The following CCDC33 variants were observed in gnomAD, a reference collection of about 807,000 sequenced individuals.
CCDC33 encodes coiled-coil domain-containing protein 33.
Under a neutral mutation model 91.9 loss-of-function variants are expected in CCDC33, and 94 were observed. The observed-to-expected ratio is 1.02, with a 90% confidence interval of 0.87 to 1.21. CCDC33 has a LOEUF of 1.21. Ranked by LOEUF, CCDC33 falls within the 50% of genes most tolerant of loss-of-function variation. The pLI is 0.00. For missense variants in CCDC33, 940 were observed against 935.5 expected (o/e 1.00, Z -0.06); for synonymous variants, 396 against 374.5 (o/e 1.06, Z -0.66).
chr15:74,308,358 G>GACACACACACACACACAC (rs3057604), intron 11 of CCDC33, among the ~76,000 whole-genome samples: 1 of 146,012 alleles, frequency 6.8e-6, no homozygotes, highest in African/African-American at 2.6e-5. Context: ...CAGACAGACA[G>GACACACACACACACACAC]ACACACACAC....
At chr15:74,275,975 T>A (rs1158844384) in intron 7 of CCDC33, among the ~76,000 whole-genome samples, 1 of 152,170 alleles carries the variant, frequency 6.6e-6, no homozygotes, top group Admixed American at 6.5e-5. Flanking sequence ...AGCAGCACCC[T>A]CTCTTCTTGT....
At chr15:74,268,479 T>TGG in intron 5 of CCDC33, 21 bp downstream of exon 5, 2 of 1,131,698 alleles carry the variant, frequency 1.8e-6, no homozygotes, top group Admixed American at 2.4e-5. Flanking sequence ...TGGGGCCCTC[T>TGG]GGGGTGGTGG....
At chr15:74,241,966 T>C (rs351155) in intron 1 of CCDC33, among the ~76,000 whole-genome samples, 57,305 of 152,074 alleles carry the variant, frequency 0.38, 12,398 homozygotes, top group African/African-American at 0.57. Flanking sequence ...GAGTCCAGAG[T>C]TCGTTAGCTT....
rs1374817182 is a variant in CCDC33 at position 74,316,804 on chromosome 15, C to T, written c.1291-13385C>T. Among the ~76,000 whole-genome samples, 4 of 152,142 alleles carry T rather than the reference C, an allele frequency of 2.6e-5. No homozygotes were observed. The highest frequency in any genetic ancestry group is 2.6e-4 in the Admixed American group (4 of 15,270). ...CCACTCTTATATGCCAGACGCTGCT[C>T]GGACGTGTACACTCGCAGCCTCATT... On this transcript the variant is annotated intron_variant, in intron 11 of 18. Transcript: ENST00000398814. This position sits in a 1 kb window ranked among gnomAD's most constrained non-coding sequence, Gnocchi z 4.7.
At chr15:74,217,631 G>T (rs1471226797) in intron 1 of CCDC33, 2 of 1,170,620 alleles carry the variant, frequency 1.7e-6, no homozygotes, top group Non-Finnish European at 2.2e-6. Flanking sequence ...TGGAACTCCT[G>T]CCTGAGTCCC....
chr15:74,297,279 T>C lies in CCDC33; in HGVS notation c.1290+1331T>C, dbSNP rs1185026645. On this transcript the variant is annotated intron_variant, in intron 11 of 18. Coordinates refer to ENST00000398814, the MANE Select transcript of CCDC33 (RefSeq NM_025055.5). Reference sequence around the variant, plus strand: ...ACATCCAGCTCAGTCATAAACTGCATTGAAAATAAAGAAACCCTGTCTTTG... The same window carrying C: ...ACATCCAGCTCAGTCATAAACTGCACTGAAAATAAAGAAACCCTGTCTTTG... 6.6e-5 allele frequency among the ~76,000 whole-genome samples: 10 copies of C among 152,272 alleles called. No individual in the cohort carries two copies. The East Asian group carries it at 1.9e-3, about 29-fold the overall frequency.
intron 1 of CCDC33, among the ~76,000 whole-genome samples, chr15:74,239,482 G>A (rs1356435744): frequency 6.6e-6 from 1 of 152,222 alleles, no homozygotes; most frequent in African/African-American, 2.4e-5. Context: ...GGGCAAGGCT[G>A]CCTGTCTGTT....
intron 11 of CCDC33, chr15:74,299,857 C>G (rs2059758329): frequency 6.6e-6 from 1 of 152,424 alleles, no homozygotes; most frequent in African/African-American, 2.4e-5. Context: ...CTCTCACTCC[C>G]TCTCTCACTC....
In CCDC33 at chr15:74,246,868, C is replaced by T. The variant is rs1453519067; in HGVS notation, c.185+2720C>T. Reference sequence around the variant, plus strand: ...TCAGTATTTTGAAAAGATATCGGGCCGGGCGCAGTGGCTCACGCCTGTAAT... The same window carrying T: ...TCAGTATTTTGAAAAGATATCGGGCTGGGCGCAGTGGCTCACGCCTGTAAT... On this transcript the variant is annotated intron_variant, in intron 2 of 18. Coordinates refer to ENST00000398814, the MANE Select transcript of CCDC33 (RefSeq NM_025055.5). 9.2e-5 allele frequency among the ~76,000 whole-genome samples: 14 copies of T among 152,308 alleles called. 1 individual carries two copies. In the Middle Eastern group the frequency reaches 0.01, roughly 111 times the overall value.
intron 2 of CCDC33, among the ~76,000 whole-genome samples, chr15:74,219,942 G>A (rs548893253): frequency 6.6e-6 from 1 of 152,104 alleles, no homozygotes; most frequent in East Asian, 1.9e-4. Flanking sequence ...GCCCATCTGC[G>A]GTGCTTCTCT....
At chr15:74,209,303 G>A (rs2074331438) in intron 1 of CCDC33, 1 of 1,442,136 alleles carries the variant, frequency 6.9e-7, no homozygotes, top group South Asian at 1.2e-5. Context: ...ACAGGGCTTT[G>A]ATGGCTGAGT....
chr15:74,330,967 C>G lies in CCDC33; in HGVS notation c.1546-14C>G, dbSNP rs775462299. On this transcript the variant is annotated splice_polypyrimidine_tract_variant and intron_variant, in intron 13 of 18. Coordinates refer to ENST00000398814, the MANE Select transcript of CCDC33 (RefSeq NM_025055.5). ...CACCCATTCTCTCCCCTTCTCTCCT[C>G]CCCCATCTCACAGAAGAATGATCGA... The G allele has an allele frequency of 6.4e-7, 1 of 1,574,714 alleles. No individual in the cohort carries two copies. The highest frequency in any genetic ancestry group is 2.2e-5 in the East Asian group (1 of 44,478).
chr15:74,266,429 T>C (rs1387407044), intron 3 of CCDC33, among the ~76,000 whole-genome samples: 1 of 152,170 alleles, frequency 6.6e-6, no homozygotes, highest in African/African-American at 2.4e-5. Context: ...TTCTAGACCA[T>C]GGGAGAAAAT....
intron 14 of CCDC33, 27 bp downstream of exon 14, chr15:74,331,139 G>A (rs1451117671): frequency 1.2e-6 from 2 of 1,613,592 alleles, no homozygotes; most frequent in Non-Finnish European, 1.7e-6. Context: ...CTGCCCCCGA[G>A]GCCAACTGAT....
chr15:74,279,834 G>C (rs1333361995), intron 7 of CCDC33, 129 bp from the exon 8 acceptor site: 1 of 1,322,332 alleles, frequency 7.6e-7, no homozygotes, highest in Non-Finnish European at 1.0e-6. Context: ...ACTGTGCCCA[G>C]CCAGCTTGCT....
At chr15:74,222,574 T>G (rs1017756007) in intron 2 of CCDC33, among the ~76,000 whole-genome samples, 4 of 151,206 alleles carry the variant, frequency 2.6e-5, no homozygotes. Flanking sequence ...CACCTTTTTT[T>G]CCCCCAAGGG....
At position 74,236,458 on chromosome 15, in the gene CCDC33, C is replaced by G; in HGVS notation, c.-262C>G. On this transcript the variant is annotated 5_prime_UTR_variant, in exon 1 of 19. Transcript: ENST00000398814. ...ATGGCCCTCAACCCCCAAGGCCCTT[C>G]CACCCACAGACCATCTCGCTGCTGA... 2.2e-6 allele frequency: 1 copy of G among 460,524 alleles called. No homozygotes were observed. Among genetic ancestry groups the G allele is most frequent in the Non-Finnish European group, 3.8e-6 (1 of 261,204 alleles). 28.5% of individuals were successfully genotyped at this position (460,524 alleles called of 1,614,324 possible).
At chr15:74,203,117 G>A in intron 1 of CCDC33, 3 of 985,626 alleles carry the variant, frequency 3.0e-6, no homozygotes, top group Non-Finnish European at 3.6e-6. Flanking sequence ...GACCGCTGGG[G>A]CTGGGCTGGG....
intron 9 of CCDC33, among the ~76,000 whole-genome samples, chr15:74,281,123 CA>C (rs2059354956): frequency 6.6e-6 from 1 of 152,210 alleles, no homozygotes; most frequent in South Asian, 2.1e-4. Context: ...AACCACAGTT[CA>C]AATCCTCACT....
Sources: gnomAD v4.1 joint callset for allele counts (sites outside exome capture counted in the v4.1 genomes callset) on GRCh38, gnomAD v4.1.1 for gene constraint, Gnocchi (gnomAD v3.1) non-coding constraint, MANE v1.5 for transcripts, NCBI Gene and HGNC (gene_info 2026-07-23, HGNC 2026-07-21) for gene names.